Variants in TRABD2B observed in about 807,000 individuals in gnomAD.
The protein encoded by TRABD2B is TraB domain containing 2B.
TRABD2B carries 14 observed loss-of-function variants against 40.1 expected under a neutral mutation model. The ratio of observed to expected loss-of-function variants is 0.35; its 90% CI spans 0.23 to 0.55. The LOEUF (loss-of-function observed/expected upper bound fraction) is 0.55. Ranked by LOEUF, TRABD2B falls within the 20% of genes least tolerant of loss-of-function variation. The pLI, the probability that TRABD2B is intolerant of heterozygous loss-of-function variation, is 0.90. For missense variants in TRABD2B, 541 were observed against 648.6 expected (o/e 0.83, Z 1.80); for synonymous variants, 263 against 277.0 (o/e 0.95, Z 0.50).
At chr1:47,943,267 G>T (rs779476377) in intron 2 of TRABD2B, among the ~76,000 whole-genome samples, 3 of 152,194 alleles carry the variant, frequency 2.0e-5, no homozygotes, top group Non-Finnish European at 4.4e-5. Flanking sequence ...TTTCACATGT[G>T]TGTGAAAGAT....
At chr1:47,874,252 A>ATTTTTTTTTTTTTTTTT (rs61411862) in intron 2 of TRABD2B, among the ~76,000 whole-genome samples, 4 of 90,520 alleles carry the variant, frequency 4.4e-5, no homozygotes, top group East Asian at 3.7e-4. Flanking sequence ...TGATTAATTA[A>ATTTTTTTTTTTTTTTTT]TTTTTTTTTT....
chr1:47,982,597 A>G (rs891949503), intron 2 of TRABD2B, among the ~76,000 whole-genome samples: 2 of 152,244 alleles, frequency 1.3e-5, no homozygotes, highest in Non-Finnish European at 2.9e-5. Flanking sequence ...AAAATGAGGG[A>G]AAAATGCTTA....
intron 2 of TRABD2B, among the ~76,000 whole-genome samples, chr1:47,916,754 G>A (rs1035974448): frequency 5.3e-5 from 8 of 152,118 alleles, no homozygotes; most frequent in Admixed American, 3.3e-4. Flanking sequence ...CTCTTCTAAC[G>A]CCTTCCCACC....
At chr1:47,901,644 G>C (rs1644601606) in intron 2 of TRABD2B, among the ~76,000 whole-genome samples, 1 of 152,222 alleles carries the variant, frequency 6.6e-6, no homozygotes, top group Admixed American at 6.5e-5. Context: ...TCTAATGGAA[G>C]CAACAGGTAC....
At chr1:47,927,821 A>G (rs949340769) in intron 2 of TRABD2B, among the ~76,000 whole-genome samples, 2 of 152,214 alleles carry the variant, frequency 1.3e-5, no homozygotes, top group Non-Finnish European at 2.9e-5. Flanking sequence ...TAGAAACTGA[A>G]TGGAATGAAA....
At chr1:47,906,466 CCTTT>C (rs1644679494) in intron 2 of TRABD2B, among the ~76,000 whole-genome samples, 1 of 152,204 alleles carries the variant, frequency 6.6e-6, no homozygotes, top group South Asian at 2.1e-4. Flanking sequence ...CGAGATAATG[CCTTT>C]CTGAGAACCC....
chr1:47,944,860 C>A (rs755475779), intron 2 of TRABD2B, among the ~76,000 whole-genome samples: 25 of 152,086 alleles, frequency 1.6e-4, no homozygotes, highest in Non-Finnish European at 3.4e-4. Flanking sequence ...GCAAACTTCC[C>A]GGGAGGGAAC....
At chr1:47,944,606 TC>T (rs1299365497) in intron 2 of TRABD2B, among the ~76,000 whole-genome samples, 1 of 152,146 alleles carries the variant, frequency 6.6e-6, no homozygotes, top group Non-Finnish European at 1.5e-5. Context: ...CTGAAGCCCC[TC>T]TACACATTTC....
chr1:47,895,261 C>G (rs1172621922), intron 2 of TRABD2B, among the ~76,000 whole-genome samples: 1 of 152,148 alleles, frequency 6.6e-6, no homozygotes, highest in Admixed American at 6.5e-5. Context: ...CCCCACCCCC[C>G]AGCCAGGAAG....
chr1:47,824,357 C>T (rs1376374395), intron 2 of TRABD2B, among the ~76,000 whole-genome samples: 1 of 152,174 alleles, frequency 6.6e-6, no homozygotes, highest in Non-Finnish European at 1.5e-5. Context: ...GCCCCCTCAA[C>T]AGCCTGCAAA....
chr1:47,815,773 C>A (rs1402156400), intron 2 of TRABD2B, among the ~76,000 whole-genome samples: 1 of 148,368 alleles, frequency 6.7e-6, no homozygotes, highest in African/African-American at 2.5e-5. Context: ...CATGTGTGGG[C>A]AAGAGAGAGG....
At chr1:47,974,491 C>G (rs537504915) in intron 2 of TRABD2B, among the ~76,000 whole-genome samples, 15 of 152,148 alleles carry the variant, frequency 9.9e-5, no homozygotes, top group Admixed American at 9.8e-4. Flanking sequence ...CTCTAGCCTA[C>G]TGATTTTTGT....
At chr1:47,897,317 C>G (rs913582873) in intron 2 of TRABD2B, among the ~76,000 whole-genome samples, 1 of 152,092 alleles carries the variant, frequency 6.6e-6, no homozygotes, top group Non-Finnish European at 1.5e-5. Flanking sequence ...AGAGAGGAAG[C>G]GAGCTGGGGG....
intron 2 of TRABD2B, among the ~76,000 whole-genome samples, chr1:47,917,220 A>G (rs1644841763): frequency 2.0e-5 from 3 of 152,228 alleles, no homozygotes; most frequent in African/African-American, 7.2e-5. Flanking sequence ...CAGATAGGCC[A>G]GGAACCCCGG....
At chr1:47,965,786 G>T (rs997740280) in intron 2 of TRABD2B, among the ~76,000 whole-genome samples, 1 of 152,164 alleles carries the variant, frequency 6.6e-6, no homozygotes, top group Admixed American at 6.5e-5. Flanking sequence ...GACCACTCAG[G>T]ATTTCAGATC....
intron 2 of TRABD2B, among the ~76,000 whole-genome samples, chr1:47,838,916 G>A (rs1489646766): frequency 2.0e-5 from 3 of 152,202 alleles, no homozygotes; most frequent in Non-Finnish European, 4.4e-5. Context: ...TCCAGGCAGG[G>A]GCGAAAGCTG....
intron 2 of TRABD2B, among the ~76,000 whole-genome samples, chr1:47,938,808 G>T (rs1645147193): frequency 6.6e-6 from 1 of 152,176 alleles, no homozygotes; most frequent in South Asian, 2.1e-4. Flanking sequence ...TCTTGGCTGA[G>T]AACCAGAGGA....
intron 2 of TRABD2B, among the ~76,000 whole-genome samples, chr1:47,928,759 C>A (rs1645001769): frequency 6.6e-6 from 1 of 152,228 alleles, no homozygotes; most frequent in Admixed American, 6.5e-5. Flanking sequence ...TTGATGAATG[C>A]AGGACTGAAG....
rs1422861507 is a variant in TRABD2B at position 47,957,908 on chromosome 1, C to T, written c.666+36126G>A. ...GAGCAACTCCAAGACACATAATTGTCAAATTCACCAAAGTTGAAATGAGGG... is the reference window on the plus strand; with the variant it reads ...GAGCAACTCCAAGACACATAATTGTTAAATTCACCAAAGTTGAAATGAGGG... On this transcript the variant is annotated intron_variant, in intron 2 of 6. Transcript: ENST00000606738. 2.6e-5 allele frequency among the ~76,000 whole-genome samples: 4 copies of T among 152,152 alleles called. No homozygotes were observed. The East Asian group carries it at 7.7e-4, about 29-fold the overall frequency.
Sources: gnomAD v4.1 joint callset for allele counts (sites outside exome capture counted in the v4.1 genomes callset) on GRCh38, gnomAD v4.1.1 for gene constraint, MANE v1.5 for transcripts, NCBI Gene and HGNC (gene_info 2026-07-23, HGNC 2026-07-21) for gene names.